SLC22A12: variants seen among roughly 807,000 people sequenced by gnomAD.
SLC22A12 encodes the protein solute carrier family 22 member 12.
Under a neutral mutation model 52.7 loss-of-function variants are expected in SLC22A12, and 56 were observed. That is an observed-to-expected ratio of 1.06 (90% confidence interval 0.86 to 1.33). SLC22A12 has a LOEUF of 1.33. Ranked by LOEUF, SLC22A12 falls within the 40% of genes most tolerant of loss-of-function variation. The pLI is 0.00. For missense variants in SLC22A12, 683 were observed against 741.5 expected (o/e 0.92, Z 0.92); for synonymous variants, 337 against 324.6 (o/e 1.04, Z -0.41).
At chr11:64,600,714 T>C (rs376435954) in intron 8 of SLC22A12, 21 bp from the exon 9 acceptor site, 1 of 1,603,308 alleles carries the variant, frequency 6.2e-7, no homozygotes, top group African/African-American at 1.3e-5. Context: ...CAGGCGCTTA[T>C]AGGTGCATCT....
chr11:64,599,634 C>CT, intron 6 of SLC22A12, 42 bp from the exon 7 acceptor site: 1 of 233,566 alleles, frequency 4.3e-6, no homozygotes, highest in East Asian at 1.7e-4. Flanking sequence ...CACCCCCCCC[C>CT]ACCCCCCACC....
chr11:64,599,352 G>A (rs1243651819), intron 6 of SLC22A12, among the ~76,000 whole-genome samples: 2 of 152,152 alleles, frequency 1.3e-5, no homozygotes, highest in East Asian at 3.9e-4. Context: ...GTGGCAGCTG[G>A]AGCCACGGAA....
At position 64,593,801 on chromosome 11, in the gene SLC22A12, C is replaced by T; in HGVS notation, c.828C>T (p.Ser276=). 6.2e-7 allele frequency: 1 copy of T among 1,603,840 alleles called. No homozygotes were observed. The highest frequency in any genetic ancestry group is 1.1e-5 in the South Asian group (1 of 91,050). ...CCTTCTTCCTCTGCTTTTTGTACTC[C>T]TGGTGGGTGCTGTGCCCCACTCCCC... The part of the protein sequence containing the change: ...SVPFFLCFLY[S]WWLAESARWL... Residue 276 remains serine (S), a splice_region_variant and synonymous_variant, in exon 4 of 10, where the codon TCC becomes TCT. Coordinates refer to ENST00000377574, the MANE Select transcript of SLC22A12 (RefSeq NM_144585.4).
In SLC22A12 at chr11:64,600,376, C is replaced by A. The variant is rs1267983295; in HGVS notation, c.1295C>A (p.Ala432Asp). ...CCATCTCTACCCACAGAAATGGGGG[C>A]TCTGCGCTCAGCCTTGGCCGTGCTG... Reference protein sequence around the residue: ...ANTLVPHEMGALRSALAVLGL... With the variant: ...ANTLVPHEMGDLRSALAVLGL... Residue 432 changes from alanine to aspartate, a missense_variant, in exon 8 of 10, where the codon GCT becomes GAT. By Grantham distance (126) the Ala-to-Asp change is moderately radical. Coordinates refer to ENST00000377574, the MANE Select transcript of SLC22A12 (RefSeq NM_144585.4). The A allele has an allele frequency of 6.2e-7, 1 of 1,603,986 alleles. No homozygotes were observed. Among genetic ancestry groups the A allele is most frequent in the Admixed American group, 1.7e-5 (1 of 59,350 alleles).
At chr11:64,597,408 G>A (rs893959735) in intron 4 of SLC22A12, among the ~76,000 whole-genome samples, 6 of 151,964 alleles carry the variant, frequency 3.9e-5, no homozygotes, top group African/African-American at 1.5e-4. Flanking sequence ...TCCATTATAG[G>A]TGTCTCATCC....
In SLC22A12 at chr11:64,598,537, A is replaced by G. The variant is rs751468196; in HGVS notation, c.852A>G (p.Arg284=). ...TAAGGTGGCTGGCAGAGTCGGCACG[A>G]TGGCTCCTCACCACAGGCAGGCTGG... ...LYSWWLAESA[R]WLLTTGRLDW... The change falls in exon 5 of 10, where the codon CGA becomes CGG. Residue 284 remains arginine, a synonymous_variant. Coordinates refer to ENST00000377574, the MANE Select transcript of SLC22A12 (RefSeq NM_144585.4). The G allele has an allele frequency of 6.3e-7, 1 of 1,592,648 alleles. No homozygotes were observed. The highest frequency in any genetic ancestry group is 8.5e-7 in the Non-Finnish European group (1 of 1,170,996).
intron 4 of SLC22A12, among the ~76,000 whole-genome samples, chr11:64,595,207 GGAATAGAT>G (rs1403686395): frequency 1.3e-5 from 1 of 78,760 alleles, no homozygotes; most frequent in Admixed American, 1.5e-4. Context: ...ATGGATGTTT[GGAATAGAT>G]GGATGGATGG....
chr11:64,602,023 C>T lies in SLC22A12; in HGVS notation c.*472C>T, dbSNP rs1169974767. On this transcript the variant is annotated 3_prime_UTR_variant, in exon 10 of 10. Transcript: ENST00000377574. ...TTACCCAGAAGCCCTGTAAGCCTGG[C>T]CCCTGGCCCCTCCCCATGTCCCTCC... 1.2e-5 allele frequency: 3 copies of T among 251,004 alleles called. No homozygotes were observed. The East Asian group carries it at 3.0e-4, about 25-fold the overall frequency. The allele number at this position is 251,004 out of a possible 1,614,324, so 15.5% of individuals were successfully genotyped here.
At chr11:64,599,002 T>A in intron 6 of SLC22A12, 79 bp downstream of exon 6, 1 of 1,553,346 alleles carries the variant, frequency 6.4e-7, no homozygotes, top group Non-Finnish European at 8.7e-7. Flanking sequence ...CCCCGGCCTC[T>A]GCTGGCTCCG....
Position 64,591,325 on chromosome 11 carries a change from GA to G in SLC22A12, c.-230del, listed in dbSNP as rs2038909794. 2.7e-5 allele frequency: 16 copies of G among 589,106 alleles called. No individual in the cohort carries two copies. In the Admixed American group the frequency reaches 4.8e-4, roughly 18 times the overall value. The allele number at this position is 589,106 out of a possible 1,614,324, so 36.5% of individuals were successfully genotyped here. ...CTCTGGGGAGATGCTGGAGGTCTCG[GA>G]ATCACCTCACGCGGCCTCAGGGCCC... is the stretch of plus-strand genomic sequence containing the variant. On this transcript the variant is annotated 5_prime_UTR_variant, in exon 1 of 10. The change abolishes the stop of an existing upstream ORF in the 5' untranslated region. Transcript: ENST00000377574.
chr11:64,597,390 G>T (rs975868513), intron 4 of SLC22A12, among the ~76,000 whole-genome samples: 1 of 152,006 alleles, frequency 6.6e-6, no homozygotes, highest in Non-Finnish European at 1.5e-5. Flanking sequence ...AACTGCCCAC[G>T]TGACGGTTCC....
At chr11:64,597,297 A>G (rs1037177481) in intron 4 of SLC22A12, among the ~76,000 whole-genome samples, 3 of 151,990 alleles carry the variant, frequency 2.0e-5, no homozygotes, top group African/African-American at 7.3e-5. Flanking sequence ...CCCTGCCTGC[A>G]GCCCCAGCTC....
intron 4 of SLC22A12, among the ~76,000 whole-genome samples, chr11:64,596,249 T>TGGATGGAG (rs2039219228): frequency 1.2e-5 from 1 of 82,780 alleles, no homozygotes; most frequent in African/African-American, 5.7e-5. Context: ...ATGGATGGAA[T>TGGATGGAG]GGATGGATGG....
At chr11:64,599,596 C>A in intron 6 of SLC22A12, 80 bp from the exon 7 acceptor site, 1 of 693,514 alleles carries the variant, frequency 1.4e-6, no homozygotes, top group Non-Finnish European at 2.1e-6. Flanking sequence ...CCTGAGCCCC[C>A]ACCGCCCATT....
chr11:64,597,334 T>G (rs933754875), intron 4 of SLC22A12, among the ~76,000 whole-genome samples: 3 of 151,708 alleles, frequency 2.0e-5, no homozygotes, highest in Non-Finnish European at 2.9e-5. Flanking sequence ...ACCCCAAATC[T>G]CCACTTGGTC....
chr11:64,596,489 G>A (rs1427704706), intron 4 of SLC22A12, among the ~76,000 whole-genome samples: 1 of 152,168 alleles, frequency 6.6e-6, no homozygotes, highest in East Asian at 1.9e-4. Context: ...TGAGGGCAGG[G>A]CTGAGCCTGG....
At chr11:64,595,098 T>G in intron 4 of SLC22A12, among the ~76,000 whole-genome samples, 2 of 95,938 alleles carry the variant, frequency 2.1e-5, no homozygotes, top group Non-Finnish European at 4.6e-5. Context: ...ATGGAAAGGA[T>G]GGATGGATGG....
chr11:64,600,676 G>T (rs2039425927), intron 8 of SLC22A12, 59 bp from the exon 9 acceptor site: 9 of 1,598,246 alleles, frequency 5.6e-6, no homozygotes, highest in Non-Finnish European at 7.6e-6. Context: ...GGCCCGGCGT[G>T]CAGGATCAAG....
chr11:64,598,971 G>C (rs747549898), intron 6 of SLC22A12, 48 bp downstream of exon 6: 6 of 1,601,196 alleles, frequency 3.7e-6, no homozygotes, highest in Non-Finnish European at 4.3e-6. Context: ...ACCTGGAATC[G>C]GGGCTCTCGC....
Sources: gnomAD v4.1 joint callset for allele counts (sites outside exome capture counted in the v4.1 genomes callset) on GRCh38, gnomAD v4.1.1 for gene constraint, MANE v1.5 for transcripts, NCBI Gene and HGNC (gene_info 2026-07-23, HGNC 2026-07-21) for gene names.